CENPP: variants seen among roughly 807,000 people sequenced by gnomAD.
CENPP encodes centromere protein P.
In CENPP, 24 loss-of-function variants were observed where a neutral mutation model predicts 35.6. That is an observed-to-expected ratio of 0.67 (90% CI 0.49 to 0.95). CENPP has a LOEUF of 0.95. Ranked by LOEUF, CENPP falls within the 40% of genes least tolerant of loss-of-function variation. The pLI is 0.00. For synonymous variants in CENPP, 120 were observed against 125.5 expected (o/e 0.96, Z 0.29); for missense variants, 332 against 345.3 (o/e 0.96, Z 0.31).
chr9:92,383,123 C>G (rs1842301549), intron 5 of CENPP, among the ~76,000 whole-genome samples: 1 of 152,036 alleles, frequency 6.6e-6, no homozygotes, highest in South Asian at 2.1e-4. Context: ...GTCTCGAACT[C>G]CTGACCTCAA....
At chr9:92,329,304 C>T (rs969817480) in intron 1 of CENPP, among the ~76,000 whole-genome samples, 1 of 151,570 alleles carries the variant, frequency 6.6e-6, no homozygotes, top group Non-Finnish European at 1.5e-5. Context: ...CCTGCCTCAG[C>T]CTCCCGAGTA....
chr9:92,582,433 A>G (rs557923174), intron 5 of CENPP, among the ~76,000 whole-genome samples: 72 of 152,340 alleles, frequency 4.7e-4, no homozygotes, highest in Non-Finnish European at 8.1e-4. Context: ...TAAAAAGTCA[A>G]TTGTGGGACA....
At chr9:92,507,976 T>C (rs887942425) in intron 5 of CENPP, among the ~76,000 whole-genome samples, 1 of 152,176 alleles carries the variant, frequency 6.6e-6, no homozygotes, top group Non-Finnish European at 1.5e-5. Context: ...GTCTCATTTA[T>C]TTGCATCTTT....
intron 5 of CENPP, among the ~76,000 whole-genome samples, chr9:92,430,460 G>A (rs1844078417): frequency 1.3e-5 from 2 of 150,282 alleles, no homozygotes; most frequent in Admixed American, 6.6e-5. Context: ...TCATTCAAGC[G>A]ATTCTTCTGC....
chr9:92,425,368 C>T (rs2130977739), intron 5 of CENPP, among the ~76,000 whole-genome samples: 1 of 152,270 alleles, frequency 6.6e-6, no homozygotes, highest in East Asian at 1.9e-4. Context: ...TTATGTTACT[C>T]AATAGCTATT....
At chr9:92,342,309 A>T (rs555060345) in intron 3 of CENPP, among the ~76,000 whole-genome samples, 105 of 152,360 alleles carry the variant, frequency 6.9e-4, no homozygotes, top group African/African-American at 2.4e-3. Context: ...AAAAGTATAA[A>T]TAGAGGGGAC....
In CENPP at chr9:92,429,793, CA is replaced by C. The variant is rs1282622662; in HGVS notation, c.564+49935del. Among the ~76,000 whole-genome samples the C allele has an allele frequency of 8.6e-5, 4 of 46,676 alleles. No homozygotes were observed. In the African/African-American group the frequency reaches 1.7e-3, roughly 20 times the overall value. 30.6% of individuals were successfully genotyped at this position (46,676 alleles called of 152,430 possible). A position where few individuals can be genotyped will look rare whatever the true frequency, so the allele number is the denominator to read the frequency against. ...CAAGAACGAAACTCCGTCTCAAAAT[CA>C]TCATCATCATCATCATCATCATCAT... On this transcript the variant is annotated intron_variant, in intron 5 of 7. Coordinates refer to ENST00000375587, the MANE Select transcript of CENPP (RefSeq NM_001012267.3).
At chr9:92,367,863 G>T (rs555988676) in intron 4 of CENPP, among the ~76,000 whole-genome samples, 1 of 152,094 alleles carries the variant, frequency 6.6e-6, no homozygotes, top group Non-Finnish European at 1.5e-5. Context: ...CGATTCACCC[G>T]CCTTAGCCGC....
At chr9:92,564,496 CTT>C (rs1849920005) in intron 5 of CENPP, among the ~76,000 whole-genome samples, 1 of 151,968 alleles carries the variant, frequency 6.6e-6, no homozygotes, top group Non-Finnish European at 1.5e-5. Context: ...ATCAACAGGA[CTT>C]AAGATTTAGT....
chr9:92,386,073 A>G, intron 5 of CENPP: 1 of 698,106 alleles, frequency 1.4e-6, no homozygotes, highest in Non-Finnish European at 2.5e-6. Context: ...ATAGGCAGAC[A>G]TTTAGCTATC....
At chr9:92,524,876 T>C (rs1341915055) in intron 5 of CENPP, among the ~76,000 whole-genome samples, 2 of 152,160 alleles carry the variant, frequency 1.3e-5, no homozygotes, top group Admixed American at 6.5e-5. Context: ...AGAACAAATC[T>C]ATGATAGGAA....
intron 4 of CENPP, among the ~76,000 whole-genome samples, chr9:92,351,505 G>A (rs1588051337): frequency 6.7e-6 from 1 of 149,280 alleles, no homozygotes; most frequent in Non-Finnish European, 1.5e-5. Flanking sequence ...CAGAAACTTT[G>A]TACCCATAAA....
chr9:92,442,476 A>G (rs936667645), intron 5 of CENPP, among the ~76,000 whole-genome samples: 9 of 152,048 alleles, frequency 5.9e-5, no homozygotes, highest in Non-Finnish European at 1.3e-4. Flanking sequence ...AGGAACTCCA[A>G]ATTGGTTTGA....
At chr9:92,447,022 G>C (rs1011609378) in intron 5 of CENPP, among the ~76,000 whole-genome samples, 1 of 151,996 alleles carries the variant, frequency 6.6e-6, no homozygotes, top group Non-Finnish European at 1.5e-5. Flanking sequence ...CCTTCTAAAT[G>C]TTTCAAAACA....
At chr9:92,414,678 G>C (rs530842933) in intron 5 of CENPP, 3 of 210,642 alleles carry the variant, frequency 1.4e-5, no homozygotes, top group Admixed American at 5.9e-5. Flanking sequence ...CTTTCCTGAA[G>C]AAGAGGTCAG....
intron 4 of CENPP, among the ~76,000 whole-genome samples, chr9:92,347,806 AT>A (rs1841333828): frequency 6.6e-6 from 1 of 152,122 alleles, no homozygotes; most frequent in East Asian, 1.9e-4. Flanking sequence ...TTGTATTATT[AT>A]TTTCATATAA....
chr9:92,546,085 C>T (rs1039125001), intron 5 of CENPP, among the ~76,000 whole-genome samples: 6 of 151,880 alleles, frequency 4.0e-5, no homozygotes, highest in African/African-American at 1.2e-4. Flanking sequence ...GTGTCTAGCT[C>T]AGGGTTTGTG....
chr9:92,590,809 A>G (rs1383642802), intron 5 of CENPP, among the ~76,000 whole-genome samples: 1 of 152,256 alleles, frequency 6.6e-6, no homozygotes, highest in African/African-American at 2.4e-5. Context: ...GAAAGCTCAC[A>G]AACGTCAAAA....
Position 92,493,886 on chromosome 9 carries a change from C to T in CENPP, c.564+114027C>T, listed in dbSNP as rs975708958. On this transcript the variant is annotated intron_variant, in intron 5 of 7. Transcript: ENST00000375587. ...CTGCAGCCAGAGCAGAGTTGAGAAG[C>T]GACATACACAGCAAGCCCACAGTGC... 6 of 379,398 alleles carry T rather than the reference C, an allele frequency of 1.6e-5. No individual in the cohort carries two copies. In the East Asian group the frequency reaches 1.6e-4, roughly 10 times the overall value. The allele number at this position is 379,398 out of a possible 1,614,324, so 23.5% of individuals were successfully genotyped here.
Sources: allele counts gnomAD v4.1 joint callset (sites outside exome capture counted in the v4.1 genomes callset), GRCh38; gene constraint gnomAD v4.1.1; transcripts MANE v1.5; gene names NCBI Gene and HGNC (gene_info 2026-07-23, HGNC 2026-07-21).